The following CYSLTR1 variants were observed in gnomAD, a reference collection of about 807,000 sequenced individuals.
CYSLTR1 encodes the protein G-protein coupled receptor HG55.
In CYSLTR1, 1 loss-of-function variant was observed where a neutral mutation model predicts 2.1. That is an observed-to-expected ratio of 0.48 (90% CI 0.17 to 2.28). CYSLTR1 has a LOEUF of 2.28. Among genes scored for constraint, CYSLTR1 ranks in the 30% most tolerant of loss-of-function variants. The probability of loss-of-function intolerance (pLI) is 0.26; values close to 1 mark genes in which losing one functional copy is unlikely to be tolerated. For missense variants in CYSLTR1, 299 were observed against 250.1 expected (o/e 1.20, Z -1.32); for synonymous variants, 110 against 89.6 (o/e 1.23, Z -1.28).
At chrX:78,274,160 T>A (rs931167866) in intron 2 of CYSLTR1, among the ~76,000 whole-genome samples, 2 of 111,689 alleles carry the variant, frequency 1.8e-5, no homozygotes, top group Admixed American at 1.9e-4. Flanking sequence ...TGAATATATC[T>A]ATATTTATAC....
intron 1 of CYSLTR1, among the ~76,000 whole-genome samples, chrX:78,302,264 G>C (rs749755457): frequency 1.8e-5 from 2 of 112,344 alleles, no homozygotes; most frequent in Non-Finnish European, 3.8e-5. Flanking sequence ...CTCTTTACCA[G>C]CTTGTGGTGA....
At chrX:78,308,131 A>G (rs913616575) in intron 1 of CYSLTR1, among the ~76,000 whole-genome samples, 1 of 111,408 alleles carries the variant, frequency 9.0e-6, no homozygotes, top group Non-Finnish European at 1.9e-5. Flanking sequence ...GTGGAGGAGC[A>G]GACTGTACCT....
chrX:78,319,519 G>T (rs1457360121), intron 1 of CYSLTR1: 1 of 109,924 alleles, frequency 9.1e-6, no homozygotes, highest in Non-Finnish European at 1.9e-5. Context: ...TATCATTGTT[G>T]GACATTTGGG....
chrX:78,277,019 C>T (rs1490949915), intron 2 of CYSLTR1, among the ~76,000 whole-genome samples: 1 of 111,325 alleles, frequency 9.0e-6, no homozygotes, highest in Non-Finnish European at 1.9e-5. Flanking sequence ...TCTCCACGGA[C>T]ATTTGAGCTA....
chrX:78,302,255 T>C (rs1257744890), intron 1 of CYSLTR1, among the ~76,000 whole-genome samples: 4 of 112,335 alleles, frequency 3.6e-5, no homozygotes, highest in African/African-American at 1.3e-4. Context: ...GCCTAAAGGC[T>C]CTTTACCAGC....
In CYSLTR1 at chrX:78,327,590, C is replaced by T. The variant is rs1291798711; in HGVS notation, c.-400G>A. 8.9e-6 allele frequency: 1 copy of T among 111,952 alleles called. No homozygotes were observed. Among genetic ancestry groups the T allele is most frequent in the Non-Finnish European group, 1.9e-5 (1 of 53,229 alleles). The allele number at this position is 111,952 out of a possible 1,213,427, so 9.2% of individuals were successfully genotyped here. ...TACAGATATACAGATTCTTCTTCCTCTTTCAGATTAGCCTTCAAACTGTTA... is the reference window on the plus strand; with the variant it reads ...TACAGATATACAGATTCTTCTTCCTTTTTCAGATTAGCCTTCAAACTGTTA... On this transcript the variant is annotated 5_prime_UTR_variant, in exon 1 of 3. Coordinates refer to ENST00000373304, the MANE Select transcript of CYSLTR1 (RefSeq NM_006639.4).
intron 1 of CYSLTR1, chrX:78,320,785 A>C (rs968734306): frequency 1.8e-5 from 2 of 110,935 alleles, no homozygotes; most frequent in East Asian, 2.8e-4. Context: ...CTTTTATTTC[A>C]TTGAGCAGCG....
chrX:78,305,534 T>TC (rs397742104), intron 1 of CYSLTR1, among the ~76,000 whole-genome samples: 1 of 110,824 alleles, frequency 9.0e-6, no homozygotes, highest in Non-Finnish European at 1.9e-5. Flanking sequence ...TTATTTTTTT[T>TC]CTAGATTGGA....
At chrX:78,292,552 A>G (rs928757404) in intron 1 of CYSLTR1, among the ~76,000 whole-genome samples, 4 of 111,366 alleles carry the variant, frequency 3.6e-5, no homozygotes, top group Non-Finnish European at 7.5e-5. Context: ...TGATCTGTCT[A>G]ATATTGACAG....
At position 78,273,660 on chromosome X, in the gene CYSLTR1, C is replaced by G. The variant is rs758668935; in HGVS notation, c.87G>C (p.Leu29Phe). 3 of 1,209,776 alleles carry G rather than the reference C, an allele frequency of 2.5e-6. No individual in the cohort carries two copies. Among genetic ancestry groups the G allele is most frequent in the Admixed American group, 4.4e-5 (2 of 45,686 alleles). Residue 29 changes from leucine to phenylalanine, a missense_variant, in exon 3 of 3, where the codon TTG (leucine) becomes TTC (phenylalanine). Coordinates refer to ENST00000373304, the MANE Select transcript of CYSLTR1 (RefSeq NM_006639.4). ...AGCCTACAACAGAGATCATAGAGTA[C>G]AAGGTGGAATACACTTGATTGCGGA... The part of the protein sequence containing the change: ...DDFRNQVYST[L>F]YSMISVVGFF...
chrX:78,273,395 T>C lies in CYSLTR1; in HGVS notation c.352A>G (p.Ser118Gly). The C allele has an allele frequency of 8.3e-7, 1 of 1,211,285 alleles. No individual in the cohort carries two copies. Among genetic ancestry groups the C allele is most frequent in the Admixed American group, 2.2e-5 (1 of 45,895 alleles). ...ACAATTGCAATGCACCGGAAAAAGCTCATGGCTGTCATAAAGAAGATGCTA... is the reference window on the plus strand; with the variant it reads ...ACAATTGCAATGCACCGGAAAAAGCCCATGGCTGTCATAAAGAAGATGCTA... ...YCSIFFMTAM[S>G]FFRCIAIVFP... The change falls in exon 3 of 3, where the codon AGC (serine) becomes GGC (glycine). Residue 118 changes from serine (S) to glycine (G), a missense_variant. By Grantham distance (56) the Ser-to-Gly change is moderately conservative. Coordinates refer to ENST00000373304, the MANE Select transcript of CYSLTR1 (RefSeq NM_006639.4).
chrX:78,307,915 C>A (rs1923085172), intron 1 of CYSLTR1, among the ~76,000 whole-genome samples: 1 of 111,236 alleles, frequency 9.0e-6, no homozygotes, highest in African/African-American at 3.3e-5. Context: ...ATGCTCCAAA[C>A]AAAAAGAGTT....
chrX:78,311,432 T>C (rs1387989174), intron 1 of CYSLTR1, among the ~76,000 whole-genome samples: 2 of 111,543 alleles, frequency 1.8e-5, no homozygotes, highest in Non-Finnish European at 3.8e-5. Flanking sequence ...GAGCAAATGT[T>C]ATGAAAGGAC....
intron 1 of CYSLTR1, chrX:78,319,231 A>T (rs1428923391): frequency 9.4e-6 from 1 of 105,915 alleles, no homozygotes; most frequent in Non-Finnish European, 1.9e-5. Flanking sequence ...GTCATTTAAC[A>T]TTAGGTATAT....
chrX:78,281,144 C>A (rs775553157), intron 2 of CYSLTR1, among the ~76,000 whole-genome samples: 2 of 111,031 alleles, frequency 1.8e-5, no homozygotes, highest in African/African-American at 6.6e-5. Context: ...ATTTTTAGCT[C>A]TTTGAGGAAT....
intron 1 of CYSLTR1, among the ~76,000 whole-genome samples, chrX:78,326,171 G>A (rs1163165511): frequency 1.8e-5 from 2 of 111,669 alleles, no homozygotes; most frequent in Non-Finnish European, 3.8e-5. Context: ...GGTTGTTTAT[G>A]ATGTAAAAAC....
At chrX:78,280,366 C>T (rs944438730) in intron 2 of CYSLTR1, among the ~76,000 whole-genome samples, 1 of 110,601 alleles carries the variant, frequency 9.0e-6, no homozygotes, top group Non-Finnish European at 1.9e-5. Context: ...TGGTAATAGC[C>T]CTTTTCGGCT....
intron 1 of CYSLTR1, among the ~76,000 whole-genome samples, chrX:78,308,625 T>A (rs1183340392): frequency 8.9e-6 from 1 of 112,379 alleles, no homozygotes; most frequent in African/African-American, 3.2e-5. Context: ...TTAAATTTTA[T>A]AAAATATGGT....
At chrX:78,281,662 A>G (rs1236646360) in intron 2 of CYSLTR1, among the ~76,000 whole-genome samples, 1 of 111,606 alleles carries the variant, frequency 9.0e-6, no homozygotes, top group Admixed American at 9.6e-5. Context: ...CTTCCATATC[A>G]AATTTCAAGT....
Sources: gnomAD v4.1 joint callset for allele counts (sites outside exome capture counted in the v4.1 genomes callset) on GRCh38, gnomAD v4.1.1 for gene constraint, MANE v1.5 for transcripts, NCBI Gene and HGNC (gene_info 2026-07-23, HGNC 2026-07-21) for gene names.